Variants in OPRM1 observed in about 807,000 individuals in gnomAD.
The protein encoded by OPRM1 is mu-type opioid receptor.
A neutral mutation model predicts 31.8 loss-of-function variants in OPRM1; 27 were observed. The ratio of observed to expected loss-of-function variants is 0.85; its 90% CI spans 0.63 to 1.17. The LOEUF is 1.17. Ranked by LOEUF, OPRM1 falls within the 50% of genes most tolerant of loss-of-function variation. The pLI, the probability that OPRM1 is intolerant of heterozygous loss-of-function variation, is 0.00. For missense variants in OPRM1, 536 were observed against 511.1 expected (o/e 1.05, Z -0.47); for synonymous variants, 196 against 189.9 (o/e 1.03, Z -0.26).
chr6:154,186,377 T>A (rs1312518261), intron 3 of OPRM1, among the ~76,000 whole-genome samples: 2 of 152,174 alleles, frequency 1.3e-5, no homozygotes, highest in Non-Finnish European at 2.9e-5. Context: ...CAAATTCCAT[T>A]GTCTCATTTT....
At chr6:154,045,612 T>C (rs571132580) in intron 1 of OPRM1, among the ~76,000 whole-genome samples, 1 of 152,354 alleles carries the variant, frequency 6.6e-6, no homozygotes, top group African/African-American at 2.4e-5. Flanking sequence ...ATCCTTCTCG[T>C]GCCCACCTCA....
chr6:154,216,953 C>CA (rs1778446461), intron 3 of OPRM1: 1 of 163,038 alleles, frequency 6.1e-6, no homozygotes, highest in African/African-American at 2.4e-5. Flanking sequence ...TCACCTGACC[C>CA]AAAAAACCCC....
chr6:154,093,460 T>G, intron 3 of OPRM1: 1 of 1,613,808 alleles, frequency 6.2e-7, no homozygotes. Flanking sequence ...TGATTATTCT[T>G]CAGTTGCCCG....
chr6:154,192,856 CT>C lies in OPRM1; in HGVS notation c.1165-53836del, dbSNP rs200207370. ...CTTATTACTGCAAGAATGTCCGTAA[CT>C]AAAAAATAATAGATGTTGGTGTGGA... On this transcript the variant is annotated intron_variant, in intron 3 of 3. Transcript: ENST00000337049. 5.8e-3 allele frequency among the ~76,000 whole-genome samples: 877 copies of C among 152,186 alleles called. 7 individuals carry two copies. The highest frequency in any genetic ancestry group is 0.019 in the African/African-American group (787 of 41,530).
In OPRM1 at chr6:154,130,395, C is replaced by T. The variant is rs907511665; in HGVS notation, c.*11674C>T. The stretch of plus-strand genomic sequence containing the variant: ...ACGTTAGCCAGGATGGTTTCGATCT[C>T]CTGACCTCGTGATCTGCCTGCCTCG... On this transcript the variant is annotated 3_prime_UTR_variant, in exon 4 of 4. Transcript: ENST00000330432. 6.6e-6 allele frequency among the ~76,000 whole-genome samples: 1 copy of T among 152,030 alleles called. No homozygotes were observed. The highest frequency in any genetic ancestry group is 1.5e-5 in the Non-Finnish European group (1 of 67,992).
intron 1 of OPRM1, among the ~76,000 whole-genome samples, chr6:154,080,142 G>T (rs1007618712): frequency 1.3e-5 from 2 of 151,954 alleles, no homozygotes; most frequent in African/African-American, 4.8e-5. Context: ...GTCACATTTG[G>T]GGACATTTCT....
intron 3 of OPRM1, among the ~76,000 whole-genome samples, chr6:154,097,419 C>T (rs1471014770): frequency 6.6e-6 from 1 of 152,012 alleles, no homozygotes; most frequent in Admixed American, 6.6e-5. Context: ...TACAAGACAT[C>T]TGTGGAGAGT....
At chr6:154,092,743 G>A (rs1273178918) in intron 3 of OPRM1, among the ~76,000 whole-genome samples, 5 of 152,276 alleles carry the variant, frequency 3.3e-5, no homozygotes, top group South Asian at 4.1e-4. Context: ...AGATACATCC[G>A]TCATGGGCGA....
intron 3 of OPRM1, among the ~76,000 whole-genome samples, chr6:154,230,577 G>C (rs1779641165): frequency 6.6e-6 from 1 of 152,192 alleles, no homozygotes; most frequent in Non-Finnish European, 1.5e-5. Context: ...GGAGAAATGA[G>C]AGTGACGTGT....
intron 3 of OPRM1, among the ~76,000 whole-genome samples, chr6:154,221,820 G>A (rs1433561633): frequency 6.6e-6 from 1 of 152,152 alleles, no homozygotes; most frequent in Non-Finnish European, 1.5e-5. Flanking sequence ...CTTGCAGTGA[G>A]CCGAGATCAT....
chr6:154,189,637 A>T (rs951274350), intron 3 of OPRM1, among the ~76,000 whole-genome samples: 1 of 152,218 alleles, frequency 6.6e-6, no homozygotes, highest in African/African-American at 2.4e-5. Flanking sequence ...CCCAGATTTG[A>T]TCATTACACT....
chr6:154,221,033 T>C (rs575402377), intron 3 of OPRM1, among the ~76,000 whole-genome samples: 1 of 152,350 alleles, frequency 6.6e-6, no homozygotes, highest in Admixed American at 6.5e-5. Flanking sequence ...TTTTTCAACT[T>C]AGTGGTTCCC....
intron 3 of OPRM1, among the ~76,000 whole-genome samples, chr6:154,243,702 T>C (rs1405560272): frequency 2.6e-5 from 4 of 152,222 alleles, no homozygotes; most frequent in Non-Finnish European, 5.9e-5. Context: ...TCATGTATCC[T>C]GGCCCGAGAG....
chr6:154,112,879 ATCCACAG>A (rs916621125), intron 3 of OPRM1, among the ~76,000 whole-genome samples: 10 of 152,344 alleles, frequency 6.6e-5, no homozygotes, highest in Middle Eastern at 3.4e-3. Flanking sequence ...GCAGAATCCC[ATCCACAG>A]GATTAGGTCA....
chr6:154,222,066 T>C (rs951899782), intron 3 of OPRM1, among the ~76,000 whole-genome samples: 1 of 152,232 alleles, frequency 6.6e-6, no homozygotes, highest in African/African-American at 2.4e-5. Context: ...AGAATTTTTA[T>C]AGGAGAATAA....
intron 3 of OPRM1, among the ~76,000 whole-genome samples, chr6:154,238,581 T>C (rs945429814): frequency 2.0e-5 from 3 of 152,216 alleles, no homozygotes; most frequent in Non-Finnish European, 4.4e-5. Flanking sequence ...TGTATGATCT[T>C]AATTCATTTA....
chr6:154,199,918 T>C (rs780301689), intron 3 of OPRM1: 27 of 1,614,086 alleles, frequency 1.7e-5, no homozygotes, highest in Non-Finnish European at 2.5e-6. Context: ...CAGGCAAGGA[T>C]TGTCTCTCTT....
intron 3 of OPRM1, among the ~76,000 whole-genome samples, chr6:154,172,525 C>G (rs1340016913): frequency 1.3e-5 from 2 of 152,200 alleles, no homozygotes; most frequent in Non-Finnish European, 2.9e-5. Flanking sequence ...ACCCATGGAG[C>G]CTTGCTTGCT....
At chr6:154,103,763 A>C (rs957793649) in intron 3 of OPRM1, among the ~76,000 whole-genome samples, 1 of 151,980 alleles carries the variant, frequency 6.6e-6, no homozygotes, top group Non-Finnish European at 1.5e-5. Flanking sequence ...GCATTTGTAA[A>C]TTGTCATGGT....
Sources: allele counts gnomAD v4.1 joint callset (sites outside exome capture counted in the v4.1 genomes callset), GRCh38; gene constraint gnomAD v4.1.1; transcripts MANE v1.5; gene names NCBI Gene and HGNC (gene_info 2026-07-23, HGNC 2026-07-21).